The following ACYP2 variants were observed in gnomAD, a reference collection of about 807,000 sequenced individuals.
ACYP2 encodes the protein acylphosphatase-2.
A neutral mutation model predicts 11.2 loss-of-function variants in ACYP2; 12 were observed. The observed-to-expected ratio is 1.08, with a 90% confidence interval of 0.69 to 1.74. ACYP2 has a LOEUF of 1.74. ACYP2 is among the 40% of genes most tolerant of loss of function. The pLI is 0.00. For missense variants in ACYP2, 134 were observed against 101.9 expected, an observed-to-expected ratio of 1.31 and a Z score of -1.35; for synonymous variants, 43 against 32.2, an observed-to-expected ratio of 1.33 and a Z score of -1.13.
chr2:53,973,718 G>C lies in ACYP2; in HGVS notation c.-31G>C, dbSNP rs1671293258. 2 of 301,208 alleles carry C rather than the reference G, an allele frequency of 6.6e-6. No individual in the cohort carries two copies. Among genetic ancestry groups the C allele is most frequent in the East Asian group, 1.0e-4 (2 of 19,550 alleles). The allele number at this position is 301,208 out of a possible 1,614,324, so 18.7% of individuals were successfully genotyped here. ...TTTGCTGACTCCTTTTTCAGACTCA[G>C]CCTGCCTGCACCCAGGTGAAATAAA... is the stretch of plus-strand genomic sequence containing the variant. On this transcript the variant is annotated 5_prime_UTR_variant, in exon 2 of 7. Transcript: ENST00000607452.
intron 6 of ACYP2, among the ~76,000 whole-genome samples, chr2:54,194,631 T>C (rs1024219446): frequency 9.2e-5 from 14 of 152,270 alleles, no homozygotes; most frequent in African/African-American, 3.1e-4. Context: ...CATCAAAGAC[T>C]ATGTTATTTT....
intron 4 of ACYP2, among the ~76,000 whole-genome samples, chr2:54,078,058 C>G (rs545215370): frequency 6.6e-6 from 1 of 151,578 alleles, no homozygotes; most frequent in Non-Finnish European, 1.5e-5. Context: ...CAACCTCGGC[C>G]TCCCAGGCCT....
At chr2:54,078,147 A>T (rs572343021) in intron 4 of ACYP2, among the ~76,000 whole-genome samples, 2 of 152,002 alleles carry the variant, frequency 1.3e-5, no homozygotes, top group African/African-American at 4.8e-5. Context: ...GGGTTTCACC[A>T]GGTTGGCCAG....
At chr2:54,070,923 TTTG>T (rs1677008431) in intron 4 of ACYP2, among the ~76,000 whole-genome samples, 5 of 151,918 alleles carry the variant, frequency 3.3e-5, no homozygotes, top group African/African-American at 1.2e-4. Flanking sequence ...TGTTTGTTTG[TTTG>T]TTTTTTTCAG....
intron 6 of ACYP2, among the ~76,000 whole-genome samples, chr2:54,173,914 A>G (rs1397083528): frequency 1.3e-5 from 2 of 152,198 alleles, no homozygotes; most frequent in African/African-American, 4.8e-5. Flanking sequence ...TACCAGTACC[A>G]TGCTGTTTTG....
intron 6 of ACYP2, among the ~76,000 whole-genome samples, chr2:54,290,384 C>G (rs921680605): frequency 6.6e-5 from 10 of 152,120 alleles, no homozygotes; most frequent in African/African-American, 2.4e-4. Flanking sequence ...TCTGTTCCCC[C>G]ACCCCTACCA....
intron 6 of ACYP2, among the ~76,000 whole-genome samples, chr2:54,197,219 G>C (rs537254432): frequency 6.6e-6 from 1 of 152,252 alleles, no homozygotes; most frequent in Middle Eastern, 3.4e-3. Context: ...GCTAATACAG[G>C]AGTTGATGTT....
At chr2:54,244,782 A>G (rs1686878731) in intron 6 of ACYP2, among the ~76,000 whole-genome samples, 2 of 152,212 alleles carry the variant, frequency 1.3e-5, no homozygotes, top group South Asian at 2.1e-4. Context: ...ATAATTGTAC[A>G]TATTAATGGA....
chr2:54,099,680 T>C (rs1678787678), intron 4 of ACYP2, among the ~76,000 whole-genome samples: 1 of 152,230 alleles, frequency 6.6e-6, no homozygotes, highest in African/African-American at 2.4e-5. Context: ...CATCCACTGA[T>C]GGACACTCAG....
intron 6 of ACYP2, among the ~76,000 whole-genome samples, chr2:54,184,917 G>A (rs1257264271): frequency 6.6e-6 from 1 of 151,402 alleles, no homozygotes; most frequent in South Asian, 2.1e-4. Flanking sequence ...CACCTTCTCG[G>A]TTCACTGAAA....
At chr2:54,127,641 T>C (rs1680613971) in intron 4 of ACYP2, among the ~76,000 whole-genome samples, 1 of 150,848 alleles carries the variant, frequency 6.6e-6, no homozygotes, top group Non-Finnish European at 1.5e-5. Context: ...CCAGTTACTC[T>C]AGAGGCTGAG....
intron 6 of ACYP2, among the ~76,000 whole-genome samples, chr2:54,268,410 T>C (rs1326645713): frequency 2.0e-5 from 3 of 151,964 alleles, no homozygotes; most frequent in Non-Finnish European, 1.5e-5. Flanking sequence ...CACTATTCCA[T>C]TCCATATTCA....
intron 4 of ACYP2, among the ~76,000 whole-genome samples, chr2:54,102,277 A>G (rs1163572968): frequency 6.6e-6 from 1 of 152,248 alleles, no homozygotes; most frequent in South Asian, 2.1e-4. Flanking sequence ...CAAGTAAGAT[A>G]TAATTGTTTT....
At chr2:54,220,071 G>A (rs1685740302) in intron 6 of ACYP2, among the ~76,000 whole-genome samples, 1 of 151,314 alleles carries the variant, frequency 6.6e-6, no homozygotes, top group Non-Finnish European at 1.5e-5. Flanking sequence ...CAAAGCAGTT[G>A]ATTCTAAGGG....
chr2:54,204,881 C>T (rs1207864552), intron 6 of ACYP2, among the ~76,000 whole-genome samples: 1 of 152,014 alleles, frequency 6.6e-6, no homozygotes, highest in Non-Finnish European at 1.5e-5. Flanking sequence ...GTGATAGTTC[C>T]TTTGCTTCAT....
In ACYP2 at chr2:54,194,012, A is replaced by C. The variant is rs566664972; in HGVS notation, c.404+55264A>C. Among the ~76,000 whole-genome samples the C allele has an allele frequency of 7.9e-5, 12 of 152,264 alleles. No individual in the cohort carries two copies. In the East Asian group the frequency reaches 2.3e-3, roughly 29 times the overall value. ...TAGGCATGATATATGAAGCCTTAGG[A>C]CTGATCATCTTTCACCCCATCAACA... On this transcript the variant is annotated intron_variant, in intron 6 of 6. Transcript: ENST00000607452.
intron 6 of ACYP2, among the ~76,000 whole-genome samples, chr2:54,201,385 G>A (rs970716539): frequency 1.3e-5 from 2 of 152,094 alleles, no homozygotes; most frequent in African/African-American, 4.8e-5. Context: ...GATTACAGGC[G>A]TGAGCCACCA....
intron 6 of ACYP2, among the ~76,000 whole-genome samples, chr2:54,237,487 G>GT (rs951098821): frequency 9.9e-5 from 15 of 151,862 alleles, no homozygotes; most frequent in African/African-American, 2.9e-4. Context: ...AGTGAAAAAT[G>GT]TTTTTTTTCT....
intron 6 of ACYP2, among the ~76,000 whole-genome samples, chr2:54,200,514 A>G (rs1163650687): frequency 6.6e-6 from 1 of 152,160 alleles, no homozygotes; most frequent in Non-Finnish European, 1.5e-5. Flanking sequence ...GTATCATGCA[A>G]TATATGCCCT....
Sources: allele counts gnomAD v4.1 joint callset (sites outside exome capture counted in the v4.1 genomes callset), GRCh38; gene constraint gnomAD v4.1.1; transcripts MANE v1.5; gene names NCBI Gene and HGNC (gene_info 2026-07-23, HGNC 2026-07-21).